The following AFG1L variants were observed in gnomAD, a reference collection of about 807,000 sequenced individuals.
The protein encoded by AFG1L is AFG1-like ATPase.
In AFG1L, 53 loss-of-function variants were observed where a neutral mutation model predicts 62.2. The ratio of observed to expected loss-of-function variants is 0.85; its 90% CI spans 0.68 to 1.07. The LOEUF (loss-of-function observed/expected upper bound fraction) is 1.07. Ranked by LOEUF, AFG1L falls within the 50% of genes least tolerant of loss-of-function variation. AFG1L has a pLI of 0.00. For synonymous variants in AFG1L, 228 were observed against 210.3 expected (o/e 1.08, Z -0.73); for missense variants, 555 against 590.5 (o/e 0.94, Z 0.62).
intron 10 of AFG1L, among the ~76,000 whole-genome samples, chr6:108,496,713 G>A (rs1354960395): frequency 6.6e-6 from 1 of 150,980 alleles, no homozygotes; most frequent in East Asian, 1.9e-4. Flanking sequence ...TTTCTCCTTT[G>A]GAAAATACTG....
At position 108,364,144 on chromosome 6, in the gene AFG1L, AC is replaced by A. The variant is rs955767927; in HGVS notation, c.649-2088del. On this transcript the variant is annotated intron_variant, in intron 5 of 12. Transcript: ENST00000368977. Reference sequence around the variant, plus strand: ...TCGTGGTGGTAATGAAATGCTGGGTACTGAAAAAGCCAGCTCTCCAAGAATG... The same window carrying A: ...TCGTGGTGGTAATGAAATGCTGGGTATGAAAAAGCCAGCTCTCCAAGAATG... 1.2e-4 allele frequency among the ~76,000 whole-genome samples: 18 copies of A among 152,300 alleles called. No homozygotes were observed. In the East Asian group the frequency reaches 3.5e-3, roughly 29 times the overall value.
At position 108,519,817 on chromosome 6, in the gene AFG1L, G is replaced by A. The variant is rs144801605; in HGVS notation, c.1317+7G>A. The stretch of plus-strand genomic sequence containing the variant: ...TGATTTGGGGCTGAGCCAGGTAGGC[G>A]ATATTAACATAATCTCTTTTTATTA... On this transcript the variant is annotated splice_region_variant and intron_variant, in intron 12 of 12. Coordinates refer to ENST00000368977, the MANE Select transcript of AFG1L (RefSeq NM_145315.5). The A allele has an allele frequency of 1.4e-3, 2,140 of 1,536,488 alleles. 1 individual carries two copies. Among genetic ancestry groups the A allele is most frequent in the Non-Finnish European group, 1.7e-3 (1,922 of 1,120,278 alleles).
At chr6:108,392,911 A>G (rs1781122597) in intron 6 of AFG1L, among the ~76,000 whole-genome samples, 1 of 152,142 alleles carries the variant, frequency 6.6e-6, no homozygotes, top group Admixed American at 6.5e-5. Flanking sequence ...TGGATTTTTA[A>G]GGAAAAGATC....
At chr6:108,336,480 A>AT (rs1778481331) in intron 2 of AFG1L, among the ~76,000 whole-genome samples, 1 of 152,206 alleles carries the variant, frequency 6.6e-6, no homozygotes, top group Non-Finnish European at 1.5e-5. Context: ...ACCTTGGATC[A>AT]TTTTTTAATG....
At chr6:108,500,270 G>T (rs1774142641) in intron 10 of AFG1L, among the ~76,000 whole-genome samples, 1 of 150,630 alleles carries the variant, frequency 6.6e-6, no homozygotes, top group African/African-American at 2.5e-5. Flanking sequence ...AAAGTGCTGG[G>T]ACTACAGGCA....
chr6:108,516,217 A>T (rs911774377), intron 11 of AFG1L, among the ~76,000 whole-genome samples: 1 of 152,030 alleles, frequency 6.6e-6, no homozygotes, highest in African/African-American at 2.4e-5. Context: ...ATTTTAGACC[A>T]ATATCCCTGA....
chr6:108,415,802 T>C lies in AFG1L; in HGVS notation c.807+13748T>C, dbSNP rs1489854733. Reference sequence around the variant, plus strand: ...GGATTAAAGACTTAAATGTTAGACCTAAAACCATAAAAACCTAGAAGAAAA... The same window carrying C: ...GGATTAAAGACTTAAATGTTAGACCCAAAACCATAAAAACCTAGAAGAAAA... On this transcript the variant is annotated intron_variant, in intron 7 of 12. Coordinates refer to ENST00000368977, the MANE Select transcript of AFG1L (RefSeq NM_145315.5). Among the ~76,000 whole-genome samples the C allele has an allele frequency of 3.9e-5, 6 of 152,318 alleles. No individual in the cohort carries two copies. The South Asian group carries it at 1.0e-3, about 26-fold the overall frequency.
chr6:108,473,019 C>G (rs1037357548), intron 8 of AFG1L, among the ~76,000 whole-genome samples: 10 of 152,058 alleles, frequency 6.6e-5, no homozygotes, highest in Non-Finnish European at 1.2e-4. Context: ...CCAGGCTGGT[C>G]TCCAACTCCT....
intron 6 of AFG1L, among the ~76,000 whole-genome samples, chr6:108,370,990 A>G (rs1275183758): frequency 1.3e-5 from 2 of 152,060 alleles, no homozygotes; most frequent in African/African-American, 2.4e-5. Flanking sequence ...GTGGAAGACA[A>G]GGGGAAGTCA....
At chr6:108,515,681 A>G (rs1287494943) in intron 11 of AFG1L, among the ~76,000 whole-genome samples, 1 of 152,174 alleles carries the variant, frequency 6.6e-6, no homozygotes, top group Non-Finnish European at 1.5e-5. Context: ...AGAGACACAA[A>G]AAACCCTTCA....
chr6:108,355,492 A>G (rs1215282957), intron 3 of AFG1L, among the ~76,000 whole-genome samples, 162 bp from the exon 4 acceptor site: 1 of 152,176 alleles, frequency 6.6e-6, no homozygotes, highest in East Asian at 1.9e-4. Context: ...ATTTTTAGCT[A>G]GTTTAACATA....
chr6:108,322,779 A>G (rs1046254982), intron 1 of AFG1L, among the ~76,000 whole-genome samples: 1 of 152,218 alleles, frequency 6.6e-6, no homozygotes, highest in African/African-American at 2.4e-5. Context: ...TACCTTTGGG[A>G]AATCTTGTTC....
chr6:108,423,769 C>G (rs1257772334), intron 7 of AFG1L, among the ~76,000 whole-genome samples: 1 of 151,944 alleles, frequency 6.6e-6, no homozygotes, highest in African/African-American at 2.4e-5. Flanking sequence ...TCAGAATATA[C>G]TCATCAGAAT....
chr6:108,462,596 C>T (rs2114782301), intron 8 of AFG1L, among the ~76,000 whole-genome samples: 1 of 152,302 alleles, frequency 6.6e-6, no homozygotes, highest in Middle Eastern at 3.4e-3. Context: ...ATATAGACTT[C>T]AGTACCAGGT....
At chr6:108,407,200 A>T (rs575253938) in intron 7 of AFG1L, among the ~76,000 whole-genome samples, 1 of 151,944 alleles carries the variant, frequency 6.6e-6, no homozygotes, top group Non-Finnish European at 1.5e-5. Flanking sequence ...GGGGAGGTGG[A>T]GCTACAGTTT....
At chr6:108,426,373 A>C (rs1337051420) in intron 7 of AFG1L, among the ~76,000 whole-genome samples, 4 of 152,214 alleles carry the variant, frequency 2.6e-5, no homozygotes, top group Non-Finnish European at 5.9e-5. Flanking sequence ...GCTGTATTGC[A>C]TAGTTCCTTT....
intron 1 of AFG1L, among the ~76,000 whole-genome samples, chr6:108,322,554 C>A (rs757776147): frequency 6.6e-6 from 1 of 152,150 alleles, no homozygotes; most frequent in Non-Finnish European, 1.5e-5. Context: ...GCCATGCATC[C>A]AGCTAAAACT....
At chr6:108,491,909 A>C (rs1773790725) in intron 10 of AFG1L, among the ~76,000 whole-genome samples, 2 of 152,196 alleles carry the variant, frequency 1.3e-5, no homozygotes, top group South Asian at 4.1e-4. Flanking sequence ...AAGCTTTTCA[A>C]ATATCCAAGC....
chr6:108,489,189 C>G (rs150302240), intron 10 of AFG1L, among the ~76,000 whole-genome samples: 4 of 151,994 alleles, frequency 2.6e-5, no homozygotes, highest in Admixed American at 2.0e-4. Flanking sequence ...GTTTTTAGCT[C>G]GAAGAACCAG....
Sources: gnomAD v4.1 joint callset for allele counts (sites outside exome capture counted in the v4.1 genomes callset) on GRCh38, gnomAD v4.1.1 for gene constraint, MANE v1.5 for transcripts, NCBI Gene and HGNC (gene_info 2026-07-23, HGNC 2026-07-21) for gene names.